The following TOP2A variants were observed in gnomAD, a reference collection of about 807,000 sequenced individuals.
TOP2A encodes the protein DNA topoisomerase II alpha.
A neutral mutation model predicts 187.2 loss-of-function variants in TOP2A; 68 were observed. The observed-to-expected ratio is 0.36, with a 90% CI of 0.30 to 0.44. The LOEUF (loss-of-function observed/expected upper bound fraction) is 0.44, where lower values mean the gene tolerates loss of function less well. Ranked by LOEUF, TOP2A falls within the 20% of genes least tolerant of loss-of-function variation. The pLI is 1.00. For synonymous variants in TOP2A, 542 were observed against 593.2 expected (o/e 0.91, Z 1.25); for missense variants, 1,196 against 1,808.7 (o/e 0.66, Z 6.14).
chr17:40,416,369 G>A, intron 3 of TOP2A, 53 bp downstream of exon 3: 1 of 1,179,158 alleles, frequency 8.5e-7, no homozygotes, highest in Non-Finnish European at 1.2e-6. Flanking sequence ...TATTTGGAAT[G>A]ATACTTCTTA....
chr17:40,389,596 C>G lies in TOP2A; in HGVS notation c.4519G>C (p.Ala1507Pro). The G allele has an allele frequency of 1.2e-6, 2 of 1,607,506 alleles. No homozygotes were observed. The highest frequency in any genetic ancestry group is 1.7e-6 in the Non-Finnish European group (2 of 1,176,868). The change falls in exon 35 of 35, where the codon GCT becomes CCT. Residue 1507 changes from alanine (A) to proline (P), a missense_variant. Physicochemically the swap from Ala to Pro is conservative, Grantham distance 27 (BLOSUM62 -1). Transcript: ENST00000423485. ...GCCCGTACAGATTTTGCCCGAGGAG[C>G]CACAGCTGAGTCAAAGTCCATATGG... ...DFHMDFDSAV[A>P]PRAKSVRAKK...
chr17:40,417,165 A>G (rs1162397615), intron 1 of TOP2A, among the ~76,000 whole-genome samples: 2 of 152,182 alleles, frequency 1.3e-5, no homozygotes. Context: ...GATGTCATCA[A>G]TAAAATACAC....
At chr17:40,415,016 T>C (rs2035372707) in intron 4 of TOP2A, among the ~76,000 whole-genome samples, 2 of 151,998 alleles carry the variant, frequency 1.3e-5, no homozygotes. Context: ...TTCTACATAG[T>C]ACTTATTATC....
rs1488000175 is a variant in TOP2A, at chr17:40,400,254, T to C, written c.2955A>G (p.Leu985=). The part of the protein sequence containing the change: ...EKLAEAERVG[L]HKVFKLQTSL... ...TAGTTTGGAGTTTGAAGACTTTGTGTAGTCCAACTCTCTCTGCCTCTGCCA... is the reference window on the plus strand; with the variant it reads ...TAGTTTGGAGTTTGAAGACTTTGTGCAGTCCAACTCTCTCTGCCTCTGCCA... Residue 985 remains leucine (L), a synonymous_variant, in exon 23 of 35, where the codon CTA becomes CTG. Coordinates refer to ENST00000423485, the MANE Select transcript of TOP2A (RefSeq NM_001067.4). 6.2e-7 allele frequency: 1 copy of C among 1,613,948 alleles called. No individual in the cohort carries two copies. Among genetic ancestry groups the C allele is most frequent in the East Asian group, 2.2e-5 (1 of 44,870 alleles).
chr17:40,411,606 A>T lies in TOP2A; in HGVS notation c.963+39T>A. 6.3e-7 allele frequency: 1 copy of T among 1,588,106 alleles called. No homozygotes were observed. Among genetic ancestry groups the T allele is most frequent in the Non-Finnish European group, 8.6e-7 (1 of 1,162,594 alleles). On this transcript the variant is annotated intron_variant, in intron 8 of 34. Transcript: ENST00000423485. The surrounding 1 kb of genome is among the most constrained non-coding windows in gnomAD (Gnocchi z 4.4). ...AAAAACAATAAGAACACATATATGT[A>T]AAGATAAATCATGATTAATAATTTA...
chr17:40,404,731 T>C (rs562755847), intron 17 of TOP2A, 60 bp downstream of exon 17: 2 of 1,107,352 alleles, frequency 1.8e-6, no homozygotes, highest in Admixed American at 2.1e-5. Context: ...TTTGCTATAG[T>C]ATCAATACCA....
chr17:40,408,748 A>T (rs1474576002), intron 10 of TOP2A, 118 bp from the exon 11 acceptor site: 1 of 1,136,642 alleles, frequency 8.8e-7, no homozygotes, highest in African/African-American at 1.5e-5. Flanking sequence ...AAAAAGATGT[A>T]GAACAATAAT....
intron 20 of TOP2A, 97 bp from the exon 21 acceptor site, chr17:40,401,178 TG>T: frequency 2.0e-6 from 2 of 1,024,528 alleles, no homozygotes; most frequent in South Asian, 3.2e-5. Context: ...AAAATTATCT[TG>T]GTTTTACTTG....
intron 30 of TOP2A, 50 bp downstream of exon 30, chr17:40,392,535 G>C: frequency 6.4e-7 from 1 of 1,562,862 alleles, no homozygotes; most frequent in Non-Finnish European, 8.7e-7. Context: ...GAAGTATATT[G>C]GCCATTCCAC....
rs755323643 is a variant in TOP2A at position 40,392,101 on chromosome 17, T to G, written c.4099A>C (p.Lys1367Gln). Residue 1367 changes from lysine to glutamine, a missense_variant, in exon 32 of 35, where the codon AAA (lysine) becomes CAA (glutamine). Transcript: ENST00000423485. ...KTKTSPKLSN[K>Q]ELKPQKSVVS... The stretch of plus-strand genomic sequence containing the variant: ...ACACTTTTCTGTGGTTTCAGTTCTT[T>G]GTTACTAAGTCTAGAATTAAAAAAA... 1 of 1,612,172 alleles carries G rather than the reference T, an allele frequency of 6.2e-7. No homozygotes were observed. Among genetic ancestry groups the G allele is most frequent in the South Asian group, 1.1e-5 (1 of 90,542 alleles).
chr17:40,405,833 C>T (rs1455485398), intron 16 of TOP2A, among the ~76,000 whole-genome samples: 1 of 151,546 alleles, frequency 6.6e-6, no homozygotes, highest in Non-Finnish European at 1.5e-5. Flanking sequence ...GTGGCCTGAT[C>T]TCGGCTCACT....
intron 3 of TOP2A, 89 bp from the exon 4 acceptor site, chr17:40,416,157 C>T: frequency 9.3e-7 from 1 of 1,071,306 alleles, no homozygotes; most frequent in East Asian, 2.6e-5. Flanking sequence ...AAAAAAGTTC[C>T]CAAACAGCAC....
Position 40,403,073 on chromosome 17 carries a change from T to G in TOP2A, c.2284-19A>C, listed in dbSNP as rs1430069162. The G allele has an allele frequency of 6.3e-7, 1 of 1,579,872 alleles. No individual in the cohort carries two copies. The highest frequency in any genetic ancestry group is 1.3e-5 in the African/African-American group (1 of 74,386). On this transcript the variant is annotated intron_variant, in intron 19 of 34. Coordinates refer to ENST00000423485, the MANE Select transcript of TOP2A (RefSeq NM_001067.4). ...GTGACATCTGTGGGGAAAAAAAGATTCATTAAGCTGAGGCTTTTACTAATA... is the reference window on the plus strand; with the variant it reads ...GTGACATCTGTGGGGAAAAAAAGATGCATTAAGCTGAGGCTTTTACTAATA...
Position 40,399,976 on chromosome 17 carries a change from C to T in TOP2A, c.3092G>A (p.Gly1031Glu). Reference protein sequence around the residue: ...DFFELRLKYYGLRKEWLLGML... With the variant: ...DFFELRLKYYELRKEWLLGML... ...TCCTAGGAGCCATTCTTTTCTTAAT[C>T]CATAATATTTAAGTCTGAGTTCAAA... The change falls in exon 24 of 35, where the codon GGA becomes GAA. Residue 1031 changes from glycine (G) to glutamate (E), a missense_variant. By Grantham distance (98) the Gly-to-Glu change is moderately conservative. Transcript: ENST00000423485. 6.2e-7 allele frequency: 1 copy of T among 1,613,378 alleles called. No homozygotes were observed.
At chr17:40,392,839 T>C (rs1157945204) in intron 29 of TOP2A, 102 bp from the exon 30 acceptor site, 3 of 954,114 alleles carry the variant, frequency 3.1e-6, no homozygotes, top group Non-Finnish European at 4.7e-6. Flanking sequence ...GTGATAGTTC[T>C]GAGAATACAA....
rs2035212393 is a variant in TOP2A at position 40,404,158 on chromosome 17, A to T, written c.2277T>A (p.His759Gln). The change falls in exon 19 of 35, where the codon CAT (histidine) becomes CAA (glutamine). Residue 759 changes from histidine to glutamine, a missense_variant. By Grantham distance (24) the His-to-Gln change is conservative. Transcript: ENST00000423485. ...GSVAEMSSYH[H>Q]GEMSLMMTII... Reference sequence around the variant, plus strand: ...ACATGGATTGTGTGTTTACCTCACCATGATGATAAGAAGACATTTCAGCCA... The same window carrying T: ...ACATGGATTGTGTGTTTACCTCACCTTGATGATAAGAAGACATTTCAGCCA... 1 of 1,613,400 alleles carries T rather than the reference A, an allele frequency of 6.2e-7. No homozygotes were observed. Among genetic ancestry groups the T allele is most frequent in the Non-Finnish European group, 8.5e-7 (1 of 1,179,754 alleles).
At chr17:40,407,156 C>T (rs1348752307) in intron 13 of TOP2A, among the ~76,000 whole-genome samples, 1 of 152,062 alleles carries the variant, frequency 6.6e-6, no homozygotes, top group East Asian at 1.9e-4. Flanking sequence ...CCCAGCTACT[C>T]GGGAGGCTGA....
At chr17:40,403,123 C>T in intron 19 of TOP2A, 69 bp from the exon 20 acceptor site, 1 of 1,396,244 alleles carries the variant, frequency 7.2e-7, no homozygotes, top group Non-Finnish European at 9.7e-7. Flanking sequence ...CTTAACCTCA[C>T]TATAATCCTG....
rs2034993457 is a variant in TOP2A at position 40,389,237 on chromosome 17, C to T, written c.*282G>A. On this transcript the variant is annotated 3_prime_UTR_variant, in exon 35 of 35. Coordinates refer to ENST00000423485, the MANE Select transcript of TOP2A (RefSeq NM_001067.4). ...CGCTGAAGTGATCAGATAGCTATTT[C>T]TACAGTTCAGAAGAACTTAAAAATC... The T allele has an allele frequency of 3.3e-6, 1 of 303,264 alleles. No individual in the cohort carries two copies. The highest frequency in any genetic ancestry group is 5.0e-5 in the East Asian group (1 of 19,844). 18.8% of individuals were successfully genotyped at this position (303,264 alleles called of 1,614,324 possible). A position where few individuals can be genotyped will look rare whatever the true frequency, so the allele number is the denominator to read the frequency against.
Sources: gnomAD v4.1 joint callset for allele counts (sites outside exome capture counted in the v4.1 genomes callset) on GRCh38, gnomAD v4.1.1 for gene constraint, Gnocchi (gnomAD v3.1) non-coding constraint, MANE v1.5 for transcripts, NCBI Gene and HGNC (gene_info 2026-07-23, HGNC 2026-07-21) for gene names.